LYPD6B: variants seen among roughly 807,000 people sequenced by gnomAD.
LYPD6B encodes the protein ly6/PLAUR domain-containing protein 6B.
LYPD6B carries 17 observed loss-of-function variants against 22.8 expected under a neutral mutation model. The ratio of observed to expected loss-of-function variants is 0.75; its 90% confidence interval spans 0.51 to 1.12. LYPD6B has a LOEUF of 1.12. LYPD6B is among the 50% of genes most tolerant of loss of function. LYPD6B has a pLI of 0.00. For synonymous variants in LYPD6B, 106 were observed against 91.6 expected (o/e 1.16, Z -0.90); for missense variants, 221 against 258.3 (o/e 0.86, Z 0.99).
chr2:149,120,377 ATATATATTT>A (rs1687248663), intron 1 of LYPD6B, among the ~76,000 whole-genome samples: 1 of 43,146 alleles, frequency 2.3e-5, no homozygotes, highest in Non-Finnish European at 3.7e-5. Flanking sequence ...ATATATATAT[ATATATATTT>A]TTTTTTTTTT....
chr2:149,100,416 C>CAAAAAAAAAA (rs58068035), intron 1 of LYPD6B, among the ~76,000 whole-genome samples: 1 of 67,960 alleles, frequency 1.5e-5, no homozygotes, highest in African/African-American at 5.6e-5. Flanking sequence ...TTGGCTTTGA[C>CAAAAAAAAAA]AAAAAAAAAA....
At chr2:149,123,917 G>T (rs926387989) in intron 1 of LYPD6B, among the ~76,000 whole-genome samples, 1 of 152,152 alleles carries the variant, frequency 6.6e-6, no homozygotes, top group Non-Finnish European at 1.5e-5. Flanking sequence ...GTTCTTCACC[G>T]CAAGAATTCG....
chr2:149,050,395 C>T (rs760670393), intron 1 of LYPD6B, among the ~76,000 whole-genome samples: 12 of 152,108 alleles, frequency 7.9e-5, no homozygotes, highest in Non-Finnish European at 1.0e-4. Context: ...TGTGAAACCA[C>T]GTCACCATCA....
At chr2:149,119,414 G>A (rs1204130627) in intron 1 of LYPD6B, among the ~76,000 whole-genome samples, 3 of 152,184 alleles carry the variant, frequency 2.0e-5, no homozygotes, top group African/African-American at 7.2e-5. Context: ...TCCACACGAA[G>A]ACATTGTCTT....
At chr2:149,121,705 G>C (rs1439798773) in intron 1 of LYPD6B, among the ~76,000 whole-genome samples, 3 of 152,210 alleles carry the variant, frequency 2.0e-5, no homozygotes, top group Non-Finnish European at 4.4e-5. Flanking sequence ...TGAGCACTTA[G>C]AGCTGCAGCC....
intron 3 of LYPD6B, among the ~76,000 whole-genome samples, chr2:149,177,207 G>A (rs115156544): frequency 6.6e-6 from 1 of 152,176 alleles, no homozygotes; most frequent in Non-Finnish European, 1.5e-5. Context: ...TTTGATTAGC[G>A]TTGCATGGAG....
At chr2:149,063,045 A>G (rs190090507) in intron 1 of LYPD6B, among the ~76,000 whole-genome samples, 1 of 151,774 alleles carries the variant, frequency 6.6e-6, no homozygotes, top group African/African-American at 2.4e-5. Flanking sequence ...TTCCCTATTA[A>G]GCACAGCCTT....
chr2:149,157,325 A>ACTTCTGG lies in LYPD6B; in HGVS notation c.6-3439_6-3438insCTTCTGG. Among the ~76,000 whole-genome samples the ACTTCTGG allele has an allele frequency of 2.4e-5, 2 of 83,488 alleles. 1 individual carries two copies. The allele number at this position is 83,488 out of a possible 152,430, so 54.8% of individuals were successfully genotyped here. On this transcript the variant is annotated intron_variant, in intron 2 of 6. Coordinates refer to ENST00000409642, the MANE Select transcript of LYPD6B (RefSeq NM_177964.5). ...CCTATTGCTCTAGAAGTCAGTCTAA[A>ACTTCTGG]AACACACAGGAGGAACTCAAGACTT...
intron 3 of LYPD6B, among the ~76,000 whole-genome samples, chr2:149,193,937 C>T (rs1393748283): frequency 6.6e-6 from 1 of 152,176 alleles, no homozygotes; most frequent in Non-Finnish European, 1.5e-5. Context: ...GGCTTCAGCG[C>T]TATGTCCATA....
chr2:149,094,393 C>T (rs1457038451), intron 1 of LYPD6B, among the ~76,000 whole-genome samples: 1 of 152,158 alleles, frequency 6.6e-6, no homozygotes, highest in Non-Finnish European at 1.5e-5. Flanking sequence ...ACATTGTGTG[C>T]ATAAAGATCA....
At chr2:149,040,157 G>C (rs970136168) in intron 1 of LYPD6B, among the ~76,000 whole-genome samples, 2 of 151,796 alleles carry the variant, frequency 1.3e-5, no homozygotes, top group African/African-American at 2.4e-5. Flanking sequence ...GACAAAGAGG[G>C]AGAGAGAGAA....
chr2:149,189,862 A>G (rs909876404), intron 3 of LYPD6B, among the ~76,000 whole-genome samples: 2 of 152,204 alleles, frequency 1.3e-5, no homozygotes, highest in Non-Finnish European at 2.9e-5. Context: ...TTCAAAGCCA[A>G]ACAAAAATGC....
At chr2:149,120,383 A>ATATTTTT (rs1327065975) in intron 1 of LYPD6B, among the ~76,000 whole-genome samples, 2 of 48,614 alleles carry the variant, frequency 4.1e-5, no homozygotes, top group African/African-American at 1.1e-4. Context: ...ATATATATAT[A>ATATTTTT]TTTTTTTTTT....
At chr2:149,129,817 C>A (rs181806748) in intron 1 of LYPD6B, among the ~76,000 whole-genome samples, 12 of 152,314 alleles carry the variant, frequency 7.9e-5, no homozygotes, top group African/African-American at 2.6e-4. Flanking sequence ...TTGTTCATTT[C>A]TAATTCAATG....
intron 3 of LYPD6B, among the ~76,000 whole-genome samples, chr2:149,196,806 C>T (rs1229586202): frequency 2.0e-5 from 3 of 152,180 alleles, no homozygotes; most frequent in South Asian, 2.1e-4. Context: ...TTTATTTTTA[C>T]GATCATTTTT....
intron 3 of LYPD6B, among the ~76,000 whole-genome samples, chr2:149,191,156 A>G: frequency 6.6e-6 from 1 of 152,170 alleles, no homozygotes; most frequent in Admixed American, 6.5e-5. Context: ...CATTTTGAGA[A>G]TGCTTAGAGC....
chr2:149,047,802 G>A (rs1252147818), intron 1 of LYPD6B, among the ~76,000 whole-genome samples: 5 of 151,948 alleles, frequency 3.3e-5, no homozygotes, highest in African/African-American at 4.8e-5. Context: ...CACTCCATTC[G>A]TTTTTTGCTT....
intron 1 of LYPD6B, among the ~76,000 whole-genome samples, chr2:149,042,999 G>A (rs1049017435): frequency 2.0e-5 from 3 of 152,118 alleles, no homozygotes; most frequent in Non-Finnish European, 1.5e-5. Flanking sequence ...CAAAAACATG[G>A]TACCAGGTCA....
At chr2:149,136,539 C>T (rs1297536114) in intron 2 of LYPD6B, among the ~76,000 whole-genome samples, 1 of 152,206 alleles carries the variant, frequency 6.6e-6, no homozygotes, top group Admixed American at 6.5e-5. Flanking sequence ...ATGATTGCAA[C>T]TCTCTAATAG....
Sources: allele counts gnomAD v4.1 joint callset (sites outside exome capture counted in the v4.1 genomes callset), GRCh38; gene constraint gnomAD v4.1.1; transcripts MANE v1.5; gene names NCBI Gene and HGNC (gene_info 2026-07-23, HGNC 2026-07-21).